The following DENND4C variants were observed in gnomAD, a reference collection of about 807,000 sequenced individuals.
DENND4C encodes the protein DENN domain containing 4C.
A neutral mutation model predicts 203.0 loss-of-function variants in DENND4C; 108 were observed. That is an observed-to-expected ratio of 0.53 (90% CI 0.46 to 0.62). DENND4C has a LOEUF of 0.62. Ranked by LOEUF, DENND4C falls within the 20% of genes least tolerant of loss-of-function variation. The pLI is 0.00. For missense variants in DENND4C, 2,481 were observed against 2,301.2 expected, an observed-to-expected ratio of 1.08 and a Z score of -1.60; for synonymous variants, 871 against 792.4, an observed-to-expected ratio of 1.10 and a Z score of -1.67.
At chr9:19,278,196 C>T (rs562529187) in intron 2 of DENND4C, among the ~76,000 whole-genome samples, 4 of 151,116 alleles carry the variant, frequency 2.6e-5, no homozygotes, top group Admixed American at 1.3e-4. Context: ...AGTGCAGTGG[C>T]GCAATCTTGG....
intron 24 of DENND4C, 72 bp downstream of exon 24, chr9:19,350,951 C>A (rs73648908): frequency 6.9e-7 from 1 of 1,454,728 alleles, no homozygotes; most frequent in South Asian, 1.4e-5. Context: ...ATTTAAGAGA[C>A]GGGGTTTTGT....
Position 19,352,173 on chromosome 9 carries a change from T to G in DENND4C, c.4596T>G (p.Cys1532Trp). The G allele has an allele frequency of 6.2e-7, 1 of 1,613,348 alleles. No homozygotes were observed. The highest frequency in any genetic ancestry group is 1.7e-4 in the Middle Eastern group (1 of 6,058). ...NTSMSSIYQNCAMEVLMSSCS... is the reference protein window; with the variant it reads ...NTSMSSIYQNWAMEVLMSSCS... Reference sequence around the variant, plus strand: ...GCATGTCTAGCATCTATCAGAATTGTGCAATGGAGGTAAAAGTTCTATATT... The same window carrying G: ...GCATGTCTAGCATCTATCAGAATTGGGCAATGGAGGTAAAAGTTCTATATT... Residue 1532 changes from cysteine to tryptophan, a missense_variant, in exon 25 of 33, where the codon TGT becomes TGG. This residue lies in a region of DENND4C where 2,289 missense variants were observed against 2,113.3 expected (regional missense o/e 1.08). Coordinates refer to ENST00000434457, the MANE Select transcript of DENND4C (RefSeq NM_001330640.2).
At chr9:19,276,908 A>G (rs1032209459) in intron 2 of DENND4C, among the ~76,000 whole-genome samples, 1 of 152,014 alleles carries the variant, frequency 6.6e-6, no homozygotes, top group Non-Finnish European at 1.5e-5. Flanking sequence ...TTTTAAATAC[A>G]GTTGTAACGT....
At chr9:19,263,487 G>T (rs1488449553) in intron 1 of DENND4C, among the ~76,000 whole-genome samples, 1 of 151,896 alleles carries the variant, frequency 6.6e-6, no homozygotes, top group East Asian at 1.9e-4. Flanking sequence ...CTCCCAAGGA[G>T]CTGGGATTAC....
intron 20 of DENND4C, 38 bp downstream of exon 20, chr9:19,336,870 C>G (rs1820593606): frequency 6.6e-7 from 1 of 1,525,802 alleles, no homozygotes; most frequent in Non-Finnish European, 8.8e-7. Context: ...TTCACTTACT[C>G]TCATGTTAAA....
intron 1 of DENND4C, among the ~76,000 whole-genome samples, chr9:19,267,344 C>T (rs1830706574): frequency 6.6e-6 from 1 of 152,072 alleles, no homozygotes; most frequent in Non-Finnish European, 1.5e-5. Flanking sequence ...AATTGACACC[C>T]TTATTATATA....
chr9:19,331,912 C>A (rs1486432225), intron 16 of DENND4C, 66 bp from the exon 17 acceptor site: 1 of 1,423,818 alleles, frequency 7.0e-7, no homozygotes, highest in Non-Finnish European at 9.6e-7. Context: ...CTCCCTTTTC[C>A]TTCTCACTTC....
chr9:19,361,607 A>G (rs1009452401), intron 29 of DENND4C, among the ~76,000 whole-genome samples: 2 of 152,214 alleles, frequency 1.3e-5, no homozygotes, highest in East Asian at 1.9e-4. Context: ...TCTTTCTACA[A>G]CCATCATGCC....
chr9:19,299,836 A>G (rs1369731269), intron 8 of DENND4C, among the ~76,000 whole-genome samples: 1 of 152,186 alleles, frequency 6.6e-6, no homozygotes, highest in East Asian at 1.9e-4. Context: ...TGCTTTAGTC[A>G]CAATAGATTT....
intron 22 of DENND4C, among the ~76,000 whole-genome samples, chr9:19,344,581 A>G (rs1224624402): frequency 1.3e-5 from 2 of 152,138 alleles, no homozygotes; most frequent in Non-Finnish European, 2.9e-5. Flanking sequence ...TGCAGCCTCA[A>G]CTTCCTGGGC....
intron 1 of DENND4C, among the ~76,000 whole-genome samples, chr9:19,262,636 C>T (rs1429466600): frequency 2.0e-5 from 3 of 151,640 alleles, no homozygotes; most frequent in East Asian, 1.9e-4. Context: ...TTTGCCATAT[C>T]GGCCAGACTG....
At chr9:19,298,195 A>G (rs375421832) in intron 7 of DENND4C, 73 bp downstream of exon 7, 17 of 1,398,644 alleles carry the variant, frequency 1.2e-5, no homozygotes, top group African/African-American at 1.0e-4. Context: ...TGGATTCTGT[A>G]TACCTTTGGG....
In DENND4C at chr9:19,372,420, A is replaced by G. The variant is rs1353535468; in HGVS notation, c.*247A>G. 5.4e-6 allele frequency: 2 copies of G among 371,248 alleles called. No individual in the cohort carries two copies. The highest frequency in any genetic ancestry group is 2.1e-5 in the African/African-American group (1 of 48,580). The allele number at this position is 371,248 out of a possible 1,614,324, so 23.0% of individuals were successfully genotyped here. A position where few individuals can be genotyped will look rare whatever the true frequency, so the allele number is the denominator to read the frequency against. ...TGAACTGCTTTTCTGCCTCTGTGGA[A>G]AACTACTTTGGGATTCTTCAGTATT... On this transcript the variant is annotated 3_prime_UTR_variant, in exon 33 of 33. Transcript: ENST00000434457.
At chr9:19,306,663 G>A (rs1839717233) in intron 10 of DENND4C, among the ~76,000 whole-genome samples, 2 of 151,650 alleles carry the variant, frequency 1.3e-5, no homozygotes, top group Non-Finnish European at 2.9e-5. Flanking sequence ...TCTTAATTTT[G>A]CGCAGTTTTG....
In DENND4C at chr9:19,329,394, A is replaced by T. The variant is rs144416057; in HGVS notation, c.2253+1232A>T. On this transcript the variant is annotated intron_variant, in intron 16 of 32. Transcript: ENST00000434457. ...CCACGTAGCAGCATATATCAGTAATAATTTTTATTGCTGAATAATATTCCA... is the reference window on the plus strand; with the variant it reads ...CCACGTAGCAGCATATATCAGTAATTATTTTTATTGCTGAATAATATTCCA... Among the ~76,000 whole-genome samples the T allele has an allele frequency of 3.6e-3, 552 of 152,322 alleles. 3 individuals carry two copies. Among genetic ancestry groups the T allele is most frequent in the Non-Finnish European group, 5.5e-3 (372 of 68,032 alleles).
intron 10 of DENND4C, among the ~76,000 whole-genome samples, chr9:19,315,422 G>C (rs1252079872): frequency 2.6e-5 from 4 of 151,204 alleles, no homozygotes; most frequent in Admixed American, 2.6e-4. Flanking sequence ...TTATATTTAT[G>C]CTAACTTTTG....
At chr9:19,302,512 G>T (rs1328134287) in intron 9 of DENND4C, among the ~76,000 whole-genome samples, 1 of 152,246 alleles carries the variant, frequency 6.6e-6, no homozygotes, top group Admixed American at 6.5e-5. Context: ...CTTTGTGAGT[G>T]ATAGTTGCAG....
chr9:19,355,497 C>G (rs10964108), intron 26 of DENND4C, among the ~76,000 whole-genome samples: 21,175 of 152,172 alleles, frequency 0.14, 2,137 homozygotes, highest in African/African-American at 0.28. Flanking sequence ...CATTTTTCCT[C>G]CATGTAACAA....
At chr9:19,244,096 T>C (rs1824486922) in intron 1 of DENND4C, among the ~76,000 whole-genome samples, 1 of 152,094 alleles carries the variant, frequency 6.6e-6, no homozygotes, top group Non-Finnish European at 1.5e-5. Flanking sequence ...AGTGGCGCAA[T>C]CTCGGCTCAC....
Sources: gnomAD v4.1 joint callset for allele counts (sites outside exome capture counted in the v4.1 genomes callset) on GRCh38, gnomAD v4.1.1 for gene constraint, gnomAD v4.1.1 regional missense constraint, MANE v1.5 for transcripts, NCBI Gene and HGNC (gene_info 2026-07-23, HGNC 2026-07-21) for gene names.